SNX13: variants seen among roughly 807,000 people sequenced by gnomAD.
SNX13 encodes sorting nexin 13.
In SNX13, 45 loss-of-function variants were observed where a neutral mutation model predicts 133.6. That is an observed-to-expected ratio of 0.34 (90% confidence interval 0.27 to 0.43). SNX13 has a LOEUF of 0.43. Among genes scored for constraint, SNX13 ranks in the 20% least tolerant of loss-of-function variants. SNX13 has a pLI of 1.00. For synonymous variants in SNX13, 414 were observed against 373.9 expected (o/e 1.11, Z -1.24); for missense variants, 1,032 against 1,145.1 (o/e 0.90, Z 1.43).
chr7:17,832,584 T>C, intron 15 of SNX13: 1 of 630,158 alleles, frequency 1.6e-6, no homozygotes, highest in African/African-American at 2.0e-5. Context: ...GAGCTGCTAT[T>C]GCAAATTTCA....
At chr7:17,829,124 G>A (rs546476617) in intron 16 of SNX13, among the ~76,000 whole-genome samples, 2 of 151,488 alleles carry the variant, frequency 1.3e-5, no homozygotes, top group African/African-American at 4.8e-5. Flanking sequence ...ACTCAATAAG[G>A]TTATTTTAGA....
intron 20 of SNX13, among the ~76,000 whole-genome samples, chr7:17,805,193 C>T (rs1001317904): frequency 3.5e-5 from 5 of 141,390 alleles, no homozygotes; most frequent in Non-Finnish European, 6.1e-5. Flanking sequence ...TTAAGTCTCA[C>T]GTTTGGCTAA....
intron 11 of SNX13, among the ~76,000 whole-genome samples, chr7:17,849,639 A>G (rs1035746470): frequency 6.6e-6 from 1 of 152,218 alleles, no homozygotes; most frequent in Non-Finnish European, 1.5e-5. Flanking sequence ...CGGTTCTTCT[A>G]TGACTTCATT....
chr7:17,912,771 A>G (rs1799129788), intron 1 of SNX13, among the ~76,000 whole-genome samples: 1 of 152,190 alleles, frequency 6.6e-6, no homozygotes, highest in South Asian at 2.1e-4. Context: ...GCAACCTGGC[A>G]GCAGCAGCCA....
intron 8 of SNX13, among the ~76,000 whole-genome samples, chr7:17,868,898 G>A (rs552912831): frequency 7.0e-4 from 107 of 152,086 alleles, no homozygotes; most frequent in African/African-American, 2.5e-3. Context: ...GGGAGGAAAC[G>A]GCAACTACAG....
chr7:17,927,083 TTTTTG>T (rs1800831195), intron 1 of SNX13, among the ~76,000 whole-genome samples: 1 of 151,962 alleles, frequency 6.6e-6, no homozygotes, highest in South Asian at 2.1e-4. Context: ...TATGTCAAAT[TTTTTG>T]TTTTAATAAG....
At chr7:17,847,341 G>GT (rs1236617112) in intron 11 of SNX13, among the ~76,000 whole-genome samples, 1 of 151,062 alleles carries the variant, frequency 6.6e-6, no homozygotes, top group East Asian at 1.9e-4. Flanking sequence ...TTGTTTGTTT[G>GT]TTTTTTTGAG....
At chr7:17,919,334 C>T (rs1583782448) in intron 1 of SNX13, among the ~76,000 whole-genome samples, 1 of 152,140 alleles carries the variant, frequency 6.6e-6, no homozygotes, top group Non-Finnish European at 1.5e-5. Context: ...TCTCACCACC[C>T]TATTATAAGG....
intron 5 of SNX13, among the ~76,000 whole-genome samples, chr7:17,885,388 G>A (rs751365401): frequency 5.3e-5 from 8 of 151,914 alleles, no homozygotes; most frequent in Non-Finnish European, 5.9e-5. Flanking sequence ...GTTTCTTTGT[G>A]AAGTCATTAA....
intron 1 of SNX13, among the ~76,000 whole-genome samples, chr7:17,913,507 A>C (rs1799219478): frequency 6.6e-6 from 1 of 152,108 alleles, no homozygotes; most frequent in Non-Finnish European, 1.5e-5. Context: ...TCTTAATCTT[A>C]AGTGCCACCT....
At chr7:17,927,341 C>A (rs1800878435) in intron 1 of SNX13, among the ~76,000 whole-genome samples, 1 of 151,926 alleles carries the variant, frequency 6.6e-6, no homozygotes, top group Non-Finnish European at 1.5e-5. Context: ...CACCTGGACT[C>A]CAGCAATCCT....
In SNX13 at chr7:17,801,639, C is replaced by G. The variant is rs1784657212; in HGVS notation, c.2247G>C (p.Lys749Asn). 6.2e-7 allele frequency: 1 copy of G among 1,608,530 alleles called. No homozygotes were observed. The change falls in exon 22 of 26, where the codon AAG becomes AAC. Residue 749 changes from lysine (K) to asparagine (N), a missense_variant. Transcript: ENST00000428135. ...GGCGATGTTCAGGGTCTGAATCAGT[C>G]TTAGGAATTAAAGGAGGCACCTAAA... ...SFFKVPPLIP[K>N]TDSDPEHRRV...
Position 17,897,439 on chromosome 7 carries a change from A to G in SNX13, c.20T>C (p.Leu7Pro). The change falls in exon 2 of 26, where the codon CTA becomes CCA. Residue 7 changes from leucine to proline, a missense_variant. Physicochemically the swap from Leu to Pro is moderately conservative, Grantham distance 98 (BLOSUM62 -3). Coordinates refer to ENST00000428135, the MANE Select transcript of SNX13 (RefSeq NM_015132.5). MLTEAS[L>P]SIWGWGSLGI... ...AAGGCTTCCCCATCCCCATATGGAT[A>G]GACTGGCCTGAAATACAGAAAAAAT... 6.4e-7 allele frequency: 1 copy of G among 1,565,574 alleles called. No homozygotes were observed. The highest frequency in any genetic ancestry group is 8.7e-7 in the Non-Finnish European group (1 of 1,153,010).
chr7:17,899,984 T>A lies in SNX13; in HGVS notation c.13-2538A>T, dbSNP rs192280194. On this transcript the variant is annotated intron_variant, in intron 1 of 25. Transcript: ENST00000428135. ...CCAGGTATTCAAAGGAACTTGGGTG[T>A]TGTGATCTATGTTTCTAGTAACTGT... 6 of 152,328 alleles carry A rather than the reference T, an allele frequency of 3.9e-5. No individual in the cohort carries two copies. The East Asian group carries it at 1.2e-3, about 29-fold the overall frequency. The allele number at this position is 152,328 out of a possible 1,614,324, so 9.4% of individuals were successfully genotyped here. A position where few individuals can be genotyped will look rare whatever the true frequency, so the allele number is the denominator to read the frequency against.
chr7:17,861,358 ACACAC>A (rs1792666391), intron 9 of SNX13, among the ~76,000 whole-genome samples: 5 of 151,444 alleles, frequency 3.3e-5, no homozygotes, highest in African/African-American at 1.2e-4. Context: ...ACACACACAC[ACACAC>A]ACACACACAC....
chr7:17,877,781 G>C (rs1396126201), intron 5 of SNX13, among the ~76,000 whole-genome samples: 1 of 151,844 alleles, frequency 6.6e-6, no homozygotes, highest in Non-Finnish European at 1.5e-5. Context: ...TTTCAATACA[G>C]AAATATGTTG....
At chr7:17,894,319 C>T (rs1300224358) in intron 2 of SNX13, among the ~76,000 whole-genome samples, 2 of 151,584 alleles carry the variant, frequency 1.3e-5, no homozygotes, top group Admixed American at 1.3e-4. Context: ...AAAGAAAAAT[C>T]AGCCCTTATT....
rs1325382952 is a variant in SNX13 at position 17,940,413 on chromosome 7, C to T, written c.-118G>A. 8.1e-7 allele frequency: 1 copy of T among 1,237,698 alleles called. No individual in the cohort carries two copies. Among genetic ancestry groups the T allele is most frequent in the Admixed American group, 2.0e-5 (1 of 50,658 alleles). 76.7% of individuals were successfully genotyped at this position (1,237,698 alleles called of 1,614,324 possible). ...CGGCAACTGCTCCTTCAGTCTTCTCCCGGGCGGCGGTTTTACTCGGCTTCG... is the reference window on the plus strand; with the variant it reads ...CGGCAACTGCTCCTTCAGTCTTCTCTCGGGCGGCGGTTTTACTCGGCTTCG... On this transcript the variant is annotated 5_prime_UTR_variant, in exon 1 of 26. Coordinates refer to ENST00000428135, the MANE Select transcript of SNX13 (RefSeq NM_015132.5).
chr7:17,926,202 G>A (rs1800737578), intron 1 of SNX13, among the ~76,000 whole-genome samples: 1 of 152,096 alleles, frequency 6.6e-6, no homozygotes. Context: ...ACAAATCTAG[G>A]TAACTGTATA....
Sources: allele counts gnomAD v4.1 joint callset (sites outside exome capture counted in the v4.1 genomes callset), GRCh38; gene constraint gnomAD v4.1.1; transcripts MANE v1.5; gene names NCBI Gene and HGNC (gene_info 2026-07-23, HGNC 2026-07-21).